Variants in CSMD1 observed in about 807,000 individuals in gnomAD.
CSMD1 encodes the protein CUB and Sushi multiple domains 1, also known as CUB and sushi domain-containing protein 1.
CSMD1 carries 213 observed loss-of-function variants against 417.5 expected under a neutral mutation model. The ratio of observed to expected loss-of-function variants is 0.51; its 90% CI spans 0.46 to 0.57. The LOEUF (loss-of-function observed/expected upper bound fraction) is 0.57, where lower values mean the gene tolerates loss of function less well. CSMD1 is among the 20% of genes least tolerant of loss of function. The pLI is 0.00. For missense variants in CSMD1, 6,923 were observed against 4,529.7 expected, an observed-to-expected ratio of 1.53 and a Z score of -15.17; for synonymous variants, 2,862 against 1,736.8, an observed-to-expected ratio of 1.65 and a Z score of -16.11.
In CSMD1 at chr8:3,098,059, C is replaced by G. The variant is rs1433312718; in HGVS notation, c.6950-1022G>C. 2.0e-5 allele frequency among the ~76,000 whole-genome samples: 3 copies of G among 152,188 alleles called. No individual in the cohort carries two copies. In the East Asian group the frequency reaches 5.8e-4, roughly 29 times the overall value. On this transcript the variant is annotated intron_variant, in intron 46 of 69. Coordinates refer to ENST00000635120, the MANE Select transcript of CSMD1 (RefSeq NM_033225.6). ...ATGCAAAGCAAAACACTAGAGTCTCCTAATTAGTAATTTCTCTCATCACTG... is the reference window on the plus strand; with the variant it reads ...ATGCAAAGCAAAACACTAGAGTCTCGTAATTAGTAATTTCTCTCATCACTG...
intron 41 of CSMD1, among the ~76,000 whole-genome samples, chr8:3,136,262 T>C (rs1818081164): frequency 6.6e-6 from 1 of 151,526 alleles, no homozygotes. Flanking sequence ...TTCTTTTTTT[T>C]TTTTTGCCCC....
chr8:4,068,682 T>C (rs1799386147), intron 3 of CSMD1, among the ~76,000 whole-genome samples: 1 of 152,186 alleles, frequency 6.6e-6, no homozygotes, highest in Non-Finnish European at 1.5e-5. Flanking sequence ...ATAAAACTAT[T>C]ATTCTCATTT....
rs2740979 is a variant in CSMD1 at position 3,989,454 on chromosome 8, C to G, written c.818+8449G>C. 6.0e-3 allele frequency among the ~76,000 whole-genome samples: 917 copies of G among 152,030 alleles called. 10 individuals carry two copies. Among genetic ancestry groups the G allele is most frequent in the African/African-American group, 0.021 (888 of 41,452 alleles). On this transcript the variant is annotated intron_variant, in intron 5 of 69. Transcript: ENST00000635120. ...AGAGCGGCTTCTTAGCATGCTGGAA[C>G]GAGTTGTGGTAACACAGACAAAAAA... is the stretch of plus-strand genomic sequence containing the variant.
At chr8:4,459,591 G>A (rs1030824438) in intron 2 of CSMD1, among the ~76,000 whole-genome samples, 2 of 152,184 alleles carry the variant, frequency 1.3e-5, no homozygotes, top group Non-Finnish European at 2.9e-5. Flanking sequence ...GCTAGTCTAA[G>A]ATAATAAGAG....
chr8:3,502,070 G>C (rs1039438382), intron 10 of CSMD1, among the ~76,000 whole-genome samples: 1 of 152,038 alleles, frequency 6.6e-6, no homozygotes, highest in Non-Finnish European at 1.5e-5. Context: ...CATATATCTT[G>C]GAATTTAACA....
At chr8:3,371,694 G>A (rs901085707) in intron 18 of CSMD1, among the ~76,000 whole-genome samples, 8 of 152,060 alleles carry the variant, frequency 5.3e-5, no homozygotes, top group Non-Finnish European at 1.2e-4. Context: ...TAGCCTCATC[G>A]TGCTCACTAA....
At chr8:3,747,250 G>A (rs573404642) in intron 6 of CSMD1, among the ~76,000 whole-genome samples, 1 of 152,116 alleles carries the variant, frequency 6.6e-6, no homozygotes, top group African/African-American at 2.4e-5. Context: ...GCTTCTTTCT[G>A]TTCTGCCATC....
At chr8:3,532,135 T>C (rs1798008063) in intron 10 of CSMD1, among the ~76,000 whole-genome samples, 1 of 152,216 alleles carries the variant, frequency 6.6e-6, no homozygotes, top group African/African-American at 2.4e-5. Context: ...GACTCCTCTC[T>C]GGAGTAGAAA....
chr8:4,314,037 GAT>G (rs948669019), intron 3 of CSMD1, among the ~76,000 whole-genome samples: 2 of 147,384 alleles, frequency 1.4e-5, no homozygotes, highest in African/African-American at 5.2e-5. Context: ...TAATAATAAT[GAT>G]AATAATAATA....
At chr8:4,199,728 A>C (rs761548905) in intron 3 of CSMD1, among the ~76,000 whole-genome samples, 1 of 152,206 alleles carries the variant, frequency 6.6e-6, no homozygotes, top group Non-Finnish European at 1.5e-5. Flanking sequence ...CAGGGATCAG[A>C]TGCTTTGATC....
chr8:3,405,749 G>A (rs1812307332), intron 15 of CSMD1, among the ~76,000 whole-genome samples: 1 of 152,148 alleles, frequency 6.6e-6, no homozygotes. Flanking sequence ...GCCATGGAAT[G>A]CCAGAGATTG....
intron 7 of CSMD1, among the ~76,000 whole-genome samples, chr8:3,649,485 T>G (rs568669588): frequency 6.6e-6 from 1 of 152,124 alleles, no homozygotes; most frequent in Non-Finnish European, 1.5e-5. Context: ...TGGGGAGGCC[T>G]CAGGAAATTT....
At chr8:3,214,456 G>A (rs1275485700) in intron 30 of CSMD1, 41 bp downstream of exon 30, 3 of 1,457,794 alleles carry the variant, frequency 2.1e-6, no homozygotes, top group Admixed American at 2.6e-5. Flanking sequence ...GCATTTTAAA[G>A]GAAAGTTGTA....
At chr8:3,806,863 G>C (rs1167609600) in intron 5 of CSMD1, among the ~76,000 whole-genome samples, 1 of 152,152 alleles carries the variant, frequency 6.6e-6, no homozygotes, top group African/African-American at 2.4e-5. Context: ...ATGTAATCTA[G>C]TAACCAATTA....
At chr8:2,960,467 A>G (rs578191156) in intron 62 of CSMD1, among the ~76,000 whole-genome samples, 2 of 152,220 alleles carry the variant, frequency 1.3e-5, no homozygotes, top group Admixed American at 6.5e-5. Flanking sequence ...ATCCAACCAG[A>G]TAACAGTGAA....
chr8:4,480,542 G>A (rs758321839), intron 2 of CSMD1, among the ~76,000 whole-genome samples: 2 of 152,180 alleles, frequency 1.3e-5, no homozygotes, highest in Non-Finnish European at 2.9e-5. Context: ...TTTGCACCAT[G>A]CGTCAAGCGG....
chr8:3,409,802 G>A (rs1812568956), intron 12 of CSMD1, among the ~76,000 whole-genome samples, 197 bp from the exon 13 acceptor site: 1 of 152,152 alleles, frequency 6.6e-6, no homozygotes, highest in Non-Finnish European at 1.5e-5. Flanking sequence ...CAAATGAAGG[G>A]AAAGGTATTT....
intron 1 of CSMD1, among the ~76,000 whole-genome samples, chr8:4,943,191 T>C (rs957909339): frequency 2.6e-4 from 40 of 152,300 alleles, no homozygotes; most frequent in Non-Finnish European, 5.6e-4. Context: ...TCAAAGCACA[T>C]TTGCACTTTA....
intron 1 of CSMD1, among the ~76,000 whole-genome samples, chr8:4,949,684 G>A (rs983677733): frequency 1.3e-5 from 2 of 152,130 alleles, no homozygotes; most frequent in Non-Finnish European, 1.5e-5. Flanking sequence ...TACTGCATTA[G>A]TTATTATGAG....
Sources: gnomAD v4.1 joint callset for allele counts (sites outside exome capture counted in the v4.1 genomes callset) on GRCh38, gnomAD v4.1.1 for gene constraint, MANE v1.5 for transcripts, NCBI Gene and HGNC (gene_info 2026-07-23, HGNC 2026-07-21) for gene names.